The following TDRD15 variants were observed in gnomAD, a reference collection of about 807,000 sequenced individuals.
TDRD15 encodes the protein tudor domain containing 15.
For synonymous variants in TDRD15, 503 were observed against 314.5 expected, an observed-to-expected ratio of 1.60 and a Z score of -6.34; for missense variants, 1,416 against 904.7, an observed-to-expected ratio of 1.57 and a Z score of -7.25.
chr2:21,142,482 C>G lies in TDRD15; in HGVS notation c.5015C>G (p.Ala1672Gly), dbSNP rs776454170. 1 of 702,222 alleles carries G rather than the reference C, an allele frequency of 1.4e-6. No homozygotes were observed. Among genetic ancestry groups the G allele is most frequent in the East Asian group, 2.7e-5 (1 of 37,092 alleles). The allele number at this position is 702,222 out of a possible 1,614,324, so 43.5% of individuals were successfully genotyped here. ...ATTCTTTTCCTGAAATATTTAGATG[C>G]TGTTTGGGAAGTAGAAATTTTGGTA... ...INILFLKYLDAVWEVEILVDD... is the reference protein window; with the variant it reads ...INILFLKYLDGVWEVEILVDD... Residue 1672 changes from alanine (A) to glycine (G), a missense_variant, in exon 4 of 4, where the codon GCT becomes GGT. Transcript: ENST00000405799.
At chr2:21,124,601 A>T (rs1478517327) in intron 1 of TDRD15, among the ~76,000 whole-genome samples, 11 of 117,742 alleles carry the variant, frequency 9.3e-5, no homozygotes, top group East Asian at 2.6e-4. Context: ...TGTGTGTGTG[A>T]GAGAAACCCT....
chr2:21,136,964 C>T (rs1336603274), intron 3 of TDRD15, among the ~76,000 whole-genome samples: 1 of 152,042 alleles, frequency 6.6e-6, no homozygotes, highest in African/African-American at 2.4e-5. Flanking sequence ...GAGTTCCGCA[C>T]AGAGTGGGGA....
At chr2:21,129,483 AT>A (rs1187553562) in intron 2 of TDRD15, among the ~76,000 whole-genome samples, 1 of 152,134 alleles carries the variant, frequency 6.6e-6, no homozygotes, top group African/African-American at 2.4e-5. Context: ...TTATATGCTT[AT>A]TGGCCTTTTA....
chr2:21,132,596 G>C (rs548804568), intron 2 of TDRD15, among the ~76,000 whole-genome samples: 1 of 152,112 alleles, frequency 6.6e-6, no homozygotes, highest in East Asian at 1.9e-4. Flanking sequence ...AAGATATTTG[G>C]CTTGAGAAAA....
intron 2 of TDRD15, among the ~76,000 whole-genome samples, chr2:21,133,755 T>C (rs556642577): frequency 6.6e-6 from 1 of 152,200 alleles, no homozygotes; most frequent in Non-Finnish European, 1.5e-5. Flanking sequence ...GTATCATAGT[T>C]CTAGACCTGT....
At chr2:21,124,416 A>T (rs1197357473) in intron 1 of TDRD15, among the ~76,000 whole-genome samples, 39 of 123,646 alleles carry the variant, frequency 3.2e-4, no homozygotes, top group Middle Eastern at 5.3e-3. Context: ...AGGGTGTGTG[A>T]GTGTGAGAGA....
At chr2:21,132,532 A>C (rs1207355798) in intron 2 of TDRD15, among the ~76,000 whole-genome samples, 2 of 152,090 alleles carry the variant, frequency 1.3e-5, no homozygotes, top group African/African-American at 4.8e-5. Context: ...AGATGAACCC[A>C]GTAGAATTTC....
In TDRD15 at chr2:21,140,970, C is replaced by A. The variant is rs917271274; in HGVS notation, c.3503C>A (p.Ser1168Tyr). 2 of 713,922 alleles carry A rather than the reference C, an allele frequency of 2.8e-6. No individual in the cohort carries two copies. The highest frequency in any genetic ancestry group is 1.8e-5 in the African/African-American group (1 of 56,988). The allele number at this position is 713,922 out of a possible 1,614,324, so 44.2% of individuals were successfully genotyped here. ...KINENKRFTT[S>Y]LKGKTGNNYR... is the part of the protein sequence containing the mutation. Reference sequence around the variant, plus strand: ...AATGAGAATAAGAGATTTACTACTTCTTTGAAAGGCAAAACAGGAAACAAC... The same window carrying A: ...AATGAGAATAAGAGATTTACTACTTATTTGAAAGGCAAAACAGGAAACAAC... The change falls in exon 4 of 4, where the codon TCT (serine) becomes TAT (tyrosine). Residue 1168 changes from serine (S) to tyrosine (Y), a missense_variant. By Grantham distance (144) the Ser-to-Tyr change is moderately radical. Transcript: ENST00000405799.
At position 21,134,866 on chromosome 2, in the gene TDRD15, A is replaced by G. The variant is rs1418964971; in HGVS notation, c.-4+19A>G. The G allele has an allele frequency of 6.6e-6, 1 of 151,470 alleles. No individual in the cohort carries two copies. The highest frequency in any genetic ancestry group is 2.1e-4 in the South Asian group (1 of 4,828). The allele number at this position is 151,470 out of a possible 1,614,324, so 9.4% of individuals were successfully genotyped here. ...ATACAGTGTAAGTACTTTCTGTGAT[A>G]TAATAGTCTTCTAAGGATTATCATA... On this transcript the variant is annotated intron_variant, in intron 3 of 3. Coordinates refer to ENST00000405799, the MANE Select transcript of TDRD15 (RefSeq NM_001306137.2).
At chr2:21,136,606 T>A (rs948994965) in intron 3 of TDRD15, among the ~76,000 whole-genome samples, 1 of 152,026 alleles carries the variant, frequency 6.6e-6, no homozygotes, top group Non-Finnish European at 1.5e-5. Flanking sequence ...CTGTCAACTG[T>A]TAACTCAGAG....
chr2:21,129,043 C>T (rs919800956), intron 2 of TDRD15, among the ~76,000 whole-genome samples: 1 of 152,028 alleles, frequency 6.6e-6, no homozygotes, highest in Non-Finnish European at 1.5e-5. Context: ...GTCGAGCCAT[C>T]CTCCCACCTT....
chr2:21,144,253 A>T lies in TDRD15; in HGVS notation c.*981A>T, dbSNP rs552684057. 2.0e-5 allele frequency among the ~76,000 whole-genome samples: 3 copies of T among 151,918 alleles called. No homozygotes were observed. The highest frequency in any genetic ancestry group is 7.2e-5 in the African/African-American group (3 of 41,520). On this transcript the variant is annotated 3_prime_UTR_variant, in exon 4 of 4. Transcript: ENST00000405799. ...ACTACAGTATTGTCTGATTTTGTTT[A>T]TCCACATTACATTCATTTTCTGTAT...
Position 21,138,930 on chromosome 2 carries a change from T to C in TDRD15, c.1463T>C (p.Ile488Thr). 1 of 715,158 alleles carries C rather than the reference T, an allele frequency of 1.4e-6. No individual in the cohort carries two copies. Among genetic ancestry groups the C allele is most frequent in the Non-Finnish European group, 2.6e-6 (1 of 383,882 alleles). The allele number at this position is 715,158 out of a possible 1,614,324, so 44.3% of individuals were successfully genotyped here. A position where few individuals can be genotyped will look rare whatever the true frequency, so the allele number is the denominator to read the frequency against. Residue 488 changes from isoleucine to threonine, a missense_variant, in exon 4 of 4, where the codon ATA (isoleucine) becomes ACA (threonine). Physicochemically the swap from Ile to Thr is moderately conservative, Grantham distance 89. Coordinates refer to ENST00000405799, the MANE Select transcript of TDRD15 (RefSeq NM_001306137.2). ...ATAGAGGCTGCCTACATAGCTTTTA[T>C]AGCATATGTATTAAACCCATCAAAT... ...MEIEAAYIAF[I>T]AYVLNPSNFW...
chr2:21,140,192 C>T lies in TDRD15; in HGVS notation c.2725C>T (p.His909Tyr). The T allele has an allele frequency of 2.8e-6, 2 of 715,272 alleles. No individual in the cohort carries two copies. The highest frequency in any genetic ancestry group is 5.2e-6 in the Non-Finnish European group (2 of 383,838). The allele number at this position is 715,272 out of a possible 1,614,324, so 44.3% of individuals were successfully genotyped here. ...TCIIYALVII[H>Y]PNHLYNLVDL... ...TATCATCTATGCCTTAGTTATTATA[C>T]ATCCAAACCATTTATATAACTTAGT... The change falls in exon 4 of 4, where the codon CAT (histidine) becomes TAT (tyrosine). Residue 909 changes from histidine (H) to tyrosine (Y), a missense_variant. By Grantham distance (83) the His-to-Tyr change is moderately conservative. Transcript: ENST00000405799.
At chr2:21,135,504 TC>T (rs1042015547) in intron 3 of TDRD15, among the ~76,000 whole-genome samples, 2 of 152,018 alleles carry the variant, frequency 1.3e-5, no homozygotes, top group African/African-American at 4.8e-5. Flanking sequence ...ACATACCTCT[TC>T]TTCAGACGTT....
intron 1 of TDRD15, among the ~76,000 whole-genome samples, chr2:21,127,292 G>T (rs1665617294): frequency 6.6e-6 from 1 of 151,978 alleles, no homozygotes; most frequent in African/African-American, 2.4e-5. Context: ...CTTTGGAGGA[G>T]CAAAATATTT....
At position 21,141,775 on chromosome 2, in the gene TDRD15, CA is replaced by C. The variant is rs1384761846; in HGVS notation, c.4312del (p.Thr1438GlnfsTer7). ...ATTATTTTACTTCGAAAGTACATAA[CA>C]AAACAGTTTATTGTGAATTTTTGAA... ...VDYFTSKVHN[K>X]TVYCEFLKKH... On this transcript the variant is annotated frameshift_variant, in exon 4 of 4. Transcript: ENST00000405799. LOFTEE classifies it low-confidence loss of function (END_TRUNC). 1 of 714,428 alleles carries C rather than the reference CA, an allele frequency of 1.4e-6. No individual in the cohort carries two copies. The allele number at this position is 714,428 out of a possible 1,614,324, so 44.3% of individuals were successfully genotyped here.
chr2:21,146,353 A>G (rs145068042), downstream of TDRD15, among the ~76,000 whole-genome samples: 70 of 152,220 alleles, frequency 4.6e-4, no homozygotes, highest in African/African-American at 1.6e-3. Context: ...CTTTACATTT[A>G]GAAAATTGGC....
In TDRD15 at chr2:21,137,579, G is replaced by T; in HGVS notation, c.112G>T (p.Glu38Ter). ...GAAATTTCAAGGCATAAAGAGTAAT[G>T]AATGTGAGTTTGACTACCATGTATT... ...LVKFQGIKSN[E>*]CEFDYHVLQR... The change falls in exon 4 of 4, where the codon GAA (glutamate) becomes TAA (stop). Residue 38 changes from glutamate (E) to a stop codon, truncating the protein, a stop_gained. Coordinates refer to ENST00000405799, the MANE Select transcript of TDRD15 (RefSeq NM_001306137.2). LOFTEE classifies it low-confidence loss of function (END_TRUNC). 1 of 715,650 alleles carries T rather than the reference G, an allele frequency of 1.4e-6. No homozygotes were observed. The allele number at this position is 715,650 out of a possible 1,614,324, so 44.3% of individuals were successfully genotyped here. A position where few individuals can be genotyped will look rare whatever the true frequency, so the allele number is the denominator to read the frequency against.
Sources: gnomAD v4.1 joint callset for allele counts (sites outside exome capture counted in the v4.1 genomes callset) on GRCh38, gnomAD v4.1.1 for gene constraint, MANE v1.5 for transcripts, NCBI Gene and HGNC (gene_info 2026-07-23, HGNC 2026-07-21) for gene names.